The following CMIP variants were observed in gnomAD, a reference collection of about 807,000 sequenced individuals.
The protein encoded by CMIP is C-Maf-inducing protein.
Under a neutral mutation model 97.3 loss-of-function variants are expected in CMIP, and 13 were observed. The ratio of observed to expected loss-of-function variants is 0.13; its 90% CI spans 0.09 to 0.21. The LOEUF is 0.21. Ranked by LOEUF, CMIP falls within the 10% of genes least tolerant of loss-of-function variation. The pLI is 1.00. For missense variants in CMIP, 847 were observed against 1,024.9 expected (o/e 0.83, Z 2.37); for synonymous variants, 538 against 436.3 (o/e 1.23, Z -2.91).
At chr16:81,563,185 C>T (rs1051232403) in intron 1 of CMIP, among the ~76,000 whole-genome samples, 11 of 152,012 alleles carry the variant, frequency 7.2e-5, no homozygotes, top group Non-Finnish European at 1.5e-4. Flanking sequence ...TGTCTACAGG[C>T]GAGCCACAAC....
At chr16:81,521,991 T>C (rs2090038008) in intron 1 of CMIP, among the ~76,000 whole-genome samples, 1 of 152,178 alleles carries the variant, frequency 6.6e-6, no homozygotes, top group African/African-American at 2.4e-5. Context: ...AAGAAAAGCG[T>C]ATAAGCAGGA....
chr16:81,672,926 G>A (rs13334224), intron 9 of CMIP, among the ~76,000 whole-genome samples: 75,555 of 152,066 alleles, frequency 0.5, 19,655 homozygotes, highest in East Asian at 0.85. Flanking sequence ...GCTGGAGAGC[G>A]AGCAAGATCA....
intron 1 of CMIP, among the ~76,000 whole-genome samples, chr16:81,538,169 C>G (rs917631140): frequency 6.6e-6 from 1 of 152,096 alleles, no homozygotes; most frequent in African/African-American, 2.4e-5. Flanking sequence ...ATGACTTGCT[C>G]CAGATTAGGG....
intron 4 of CMIP, among the ~76,000 whole-genome samples, chr16:81,654,231 T>TTTATTATTATTATTATTA (rs58919554): frequency 0.021 from 3,101 of 150,802 alleles, 102 homozygotes; most frequent in African/African-American, 0.071. Context: ...CTCCTTGGGC[T>TTTATTATTATTATTATTA]TTATTATTAT....
chr16:81,500,272 G>C (rs146539996), intron 1 of CMIP, among the ~76,000 whole-genome samples: 1 of 64,792 alleles, frequency 1.5e-5, no homozygotes, highest in Non-Finnish European at 3.0e-5. Flanking sequence ...CCTTCCTTCC[G>C]TCCTTCCTTC....
Position 81,601,417 on chromosome 16 carries a change from T to TG in CMIP, c.301-6143dup, listed in dbSNP as rs546131183. Among the ~76,000 whole-genome samples, 56 of 152,126 alleles carry TG rather than the reference T, an allele frequency of 3.7e-4. 1 individual carries two copies. In the East Asian group the frequency reaches 8.9e-3, roughly 24 times the overall value. ...TCGGGGGCCCAATGGGGGCTCTTTC[T>TG]GGGGGGGTCAGCTCACCCCATTCCC... On this transcript the variant is annotated intron_variant, in intron 1 of 20. Coordinates refer to ENST00000537098, the MANE Select transcript of CMIP (RefSeq NM_198390.3).
At chr16:81,478,230 C>G (rs1438017152) in intron 1 of CMIP, among the ~76,000 whole-genome samples, 2 of 152,154 alleles carry the variant, frequency 1.3e-5, no homozygotes, top group African/African-American at 4.8e-5. Context: ...AACAGGCCAT[C>G]CTTTGAAAGC....
chr16:81,446,067 T>G (rs1440111963), intron 1 of CMIP, among the ~76,000 whole-genome samples: 2 of 152,124 alleles, frequency 1.3e-5, no homozygotes, highest in Non-Finnish European at 2.9e-5. Context: ...TTATTCTCTT[T>G]CCTGCCAGGG....
At chr16:81,573,153 G>T (rs1440865809) in intron 1 of CMIP, among the ~76,000 whole-genome samples, 1 of 152,158 alleles carries the variant, frequency 6.6e-6, no homozygotes, top group African/African-American at 2.4e-5. Flanking sequence ...AGACCAGGCT[G>T]GCCAACACGG....
At chr16:81,478,752 G>C (rs780283889) in intron 1 of CMIP, among the ~76,000 whole-genome samples, 1 of 152,172 alleles carries the variant, frequency 6.6e-6, no homozygotes, top group African/African-American at 2.4e-5. Flanking sequence ...AGGTGTGGAC[G>C]TTGAGGGCCA....
At chr16:81,685,116 C>A (rs1205834448) in intron 10 of CMIP, among the ~76,000 whole-genome samples, 2 of 152,222 alleles carry the variant, frequency 1.3e-5, no homozygotes, top group African/African-American at 4.8e-5. Flanking sequence ...AACCTCTGTC[C>A]AGCGCCCCCC....
Position 81,445,235 on chromosome 16 carries a change from C to T in CMIP, c.-7C>T. 1 of 1,511,458 alleles carries T rather than the reference C, an allele frequency of 6.6e-7. No individual in the cohort carries two copies. Among genetic ancestry groups the T allele is most frequent in the Non-Finnish European group, 8.8e-7 (1 of 1,133,270 alleles). 93.6% of individuals were successfully genotyped at this position (1,511,458 alleles called of 1,614,324 possible). A position where few individuals can be genotyped will look rare whatever the true frequency, so the allele number is the denominator to read the frequency against. ...CCCCGCCCCCAGCCCCCTCCCCCGG[C>T]GCGGCCATGGATGTGACCAGCAGCT... On this transcript the variant is annotated 5_prime_UTR_variant, in exon 1 of 21. Transcript: ENST00000537098.
rs147604031 is a variant in CMIP, at chr16:81,547,612, G to GGGA, written c.301-59933_301-59931dup. On this transcript the variant is annotated intron_variant, in intron 1 of 20. Transcript: ENST00000537098. ...TTTGCAGGTGGAGGGTGGGAAGCGG[G>GGGA]GGAGGAGGAGGAGGAGGAGGAGGAA... 5.7e-4 allele frequency among the ~76,000 whole-genome samples: 87 copies of GGGA among 151,788 alleles called. 2 individuals carry two copies. Among genetic ancestry groups the GGGA allele is most frequent in the East Asian group, 3.7e-3 (19 of 5,178 alleles).
At chr16:81,594,897 TG>T (rs1429634555) in intron 1 of CMIP, among the ~76,000 whole-genome samples, 1 of 150,054 alleles carries the variant, frequency 6.7e-6, no homozygotes, top group African/African-American at 2.5e-5. Context: ...CCCAAAGTGC[TG>T]GGGATTACAG....
At chr16:81,591,833 T>TC (rs1012844003) in intron 1 of CMIP, among the ~76,000 whole-genome samples, 10 of 149,934 alleles carry the variant, frequency 6.7e-5, no homozygotes, top group East Asian at 2.0e-4. Context: ...TTTCTTTCTT[T>TC]TTTTTTTTTG....
At chr16:81,698,752 C>G (rs1390239803) in intron 14 of CMIP, among the ~76,000 whole-genome samples, 1 of 152,178 alleles carries the variant, frequency 6.6e-6, no homozygotes, top group African/African-American at 2.4e-5. Context: ...GCATCCATTA[C>G]ACACTGACTC....
In CMIP at chr16:81,641,228, G is replaced by A. The variant is rs2092303174; in HGVS notation, c.478-10975G>A. Among the ~76,000 whole-genome samples the A allele has an allele frequency of 2.6e-5, 4 of 152,086 alleles. No individual in the cohort carries two copies. In the South Asian group the frequency reaches 8.3e-4, roughly 32 times the overall value. ...GATTTGGTGCAGGGCCTGGCCTAAA[G>A]CAGCACCTAACGCATGTTAGCCTTC... On this transcript the variant is annotated intron_variant, in intron 3 of 20. Transcript: ENST00000537098.
intron 1 of CMIP, among the ~76,000 whole-genome samples, chr16:81,470,831 A>T (rs1465113154): frequency 6.6e-6 from 1 of 152,256 alleles, no homozygotes; most frequent in East Asian, 1.9e-4. Context: ...ACAATTCTTG[A>T]CTTCCTCATG....
chr16:81,638,027 A>ACC (rs200793545), intron 3 of CMIP, among the ~76,000 whole-genome samples: 26 of 150,340 alleles, frequency 1.7e-4, no homozygotes, highest in African/African-American at 6.4e-4. Flanking sequence ...ACCTCCTAAC[A>ACC]CCCCCCCCAC....
Sources: gnomAD v4.1 joint callset for allele counts (sites outside exome capture counted in the v4.1 genomes callset) on GRCh38, gnomAD v4.1.1 for gene constraint, MANE v1.5 for transcripts, NCBI Gene and HGNC (gene_info 2026-07-23, HGNC 2026-07-21) for gene names.